The following IFRD1 variants were observed in gnomAD, a reference collection of about 807,000 sequenced individuals.
IFRD1 encodes the protein interferon related developmental regulator 1.
A neutral mutation model predicts 52.9 loss-of-function variants in IFRD1; 35 were observed. The ratio of observed to expected loss-of-function variants is 0.66; its 90% CI spans 0.51 to 0.88. The LOEUF (loss-of-function observed/expected upper bound fraction) is 0.88. Ranked by LOEUF, IFRD1 falls within the 40% of genes least tolerant of loss-of-function variation. The pLI is 0.00. For synonymous variants in IFRD1, 184 were observed against 188.4 expected, an observed-to-expected ratio of 0.98 and a Z score of 0.19; for missense variants, 517 against 550.8, an observed-to-expected ratio of 0.94 and a Z score of 0.61.
At chr7:112,469,251 AAT>A (rs1407809011) in intron 9 of IFRD1, among the ~76,000 whole-genome samples, 3 of 152,214 alleles carry the variant, frequency 2.0e-5, no homozygotes, top group African/African-American at 7.2e-5. Context: ...ATCCAGTTTT[AAT>A]ATGTTCCAGT....
upstream of IFRD1, among the ~76,000 whole-genome samples, chr7:112,449,526 T>C (rs1351633367): frequency 6.6e-6 from 1 of 152,154 alleles, no homozygotes; most frequent in Non-Finnish European, 1.5e-5. Context: ...TCAGGGACTT[T>C]GATCTGTCAT....
intron 9 of IFRD1, 71 bp downstream of exon 9, chr7:112,468,186 G>A: frequency 6.8e-7 from 1 of 1,472,458 alleles, no homozygotes; most frequent in Non-Finnish European, 9.5e-7. Context: ...CTTGACAATT[G>A]TACCATTTTG....
chr7:112,423,787 C>T (rs1160750506), intron 1 of IFRD1, among the ~76,000 whole-genome samples: 2 of 152,182 alleles, frequency 1.3e-5, no homozygotes, highest in East Asian at 3.9e-4. Flanking sequence ...GCTCATGTAA[C>T]ATCTTTTCAA....
At chr7:112,437,174 C>T (rs1188465668) in intron 1 of IFRD1, 1 of 154,660 alleles carries the variant, frequency 6.5e-6, no homozygotes, top group Non-Finnish European at 1.5e-5. Flanking sequence ...CAGGCTGAAA[C>T]AGTGTGAATC....
At chr7:112,461,524 A>T (rs534928748) in intron 5 of IFRD1, 1 of 169,032 alleles carries the variant, frequency 5.9e-6, no homozygotes, top group South Asian at 1.7e-4. Flanking sequence ...AAATGATTCA[A>T]TAATTTAAAT....
chr7:112,440,254 G>A (rs1794844202), intron 1 of IFRD1, among the ~76,000 whole-genome samples: 2 of 152,046 alleles, frequency 1.3e-5, no homozygotes, highest in Non-Finnish European at 2.9e-5. Context: ...CAAAATGCTG[G>A]GATTACAGGT....
At chr7:112,469,832 C>T (rs1795702120) in intron 9 of IFRD1, among the ~76,000 whole-genome samples, 1 of 152,206 alleles carries the variant, frequency 6.6e-6, no homozygotes, top group African/African-American at 2.4e-5. Flanking sequence ...CCATAGTGAT[C>T]TACCCGCCCA....
At position 112,472,293 on chromosome 7, in the gene IFRD1, C is replaced by T. The variant is rs1795770561; in HGVS notation, c.1116C>T (p.His372=). 1 of 1,613,948 alleles carries T rather than the reference C, an allele frequency of 6.2e-7. No individual in the cohort carries two copies. The highest frequency in any genetic ancestry group is 2.2e-5 in the East Asian group (1 of 44,870). Residue 372 remains histidine, a synonymous_variant, in exon 10 of 12, where the codon CAC becomes CAT. Coordinates refer to ENST00000403825, the MANE Select transcript of IFRD1 (RefSeq NM_001550.4). The part of the protein sequence containing the change: ...RMYIDCWVKK[H]TYDTFKEVLG... ...ATATTGATTGCTGGGTAAAAAAACACACCTATGACACCTTTAAGGAGGTTC... is the reference window on the plus strand; with the variant it reads ...ATATTGATTGCTGGGTAAAAAAACATACCTATGACACCTTTAAGGAGGTTC...
intron 8 of IFRD1, among the ~76,000 whole-genome samples, chr7:112,466,392 AT>A (rs1384512181): frequency 1.3e-5 from 2 of 152,152 alleles, no homozygotes; most frequent in East Asian, 3.8e-4. Context: ...CTAAGATTAT[AT>A]TACCGTGAAG....
At chr7:112,468,270 C>CTT (rs201842737) in intron 9 of IFRD1, among the ~76,000 whole-genome samples, 155 bp downstream of exon 9, 44,703 of 147,854 alleles carry the variant, frequency 0.3, 7,302 homozygotes, top group Non-Finnish European at 0.38. Context: ...TAAGTGAAGA[C>CTT]TTTTTTTTTT....
At position 112,462,255 on chromosome 7, in the gene IFRD1, C is replaced by G. The variant is rs371227587; in HGVS notation, c.798-15C>G. On this transcript the variant is annotated splice_polypyrimidine_tract_variant and intron_variant, in intron 7 of 11. Transcript: ENST00000403825. ...ATTGGTTGTATTCACATAGTAATGA[C>G]TAACTATTTTTTAGGCATTTCCATA... 5.5e-5 allele frequency: 88 copies of G among 1,607,700 alleles called. No individual in the cohort carries two copies. Among genetic ancestry groups the G allele is most frequent in the Middle Eastern group, 1.6e-4 (1 of 6,074 alleles).
rs547109732 is a variant in IFRD1 at position 112,476,101 on chromosome 7, C to G, written c.*582C>G. 9.2e-5 allele frequency: 14 copies of G among 152,764 alleles called. No individual in the cohort carries two copies. The highest frequency in any genetic ancestry group is 3.4e-4 in the African/African-American group (14 of 41,536). The allele number at this position is 152,764 out of a possible 1,614,324, so 9.5% of individuals were successfully genotyped here. Reference sequence around the variant, plus strand: ...AGCATATGCCAGAAAGGTTGCTAACCTTAACATCTGAGAGCAGTAACACTG... The same window carrying G: ...AGCATATGCCAGAAAGGTTGCTAACGTTAACATCTGAGAGCAGTAACACTG... On this transcript the variant is annotated 3_prime_UTR_variant, in exon 12 of 12. Coordinates refer to ENST00000403825, the MANE Select transcript of IFRD1 (RefSeq NM_001550.4).
At chr7:112,434,918 A>T (rs1199278819) in intron 1 of IFRD1, among the ~76,000 whole-genome samples, 1 of 152,232 alleles carries the variant, frequency 6.6e-6, no homozygotes, top group East Asian at 1.9e-4. Flanking sequence ...AGTTTGGCTC[A>T]TACATGATTC....
chr7:112,463,208 A>G (rs1483858464), intron 8 of IFRD1, among the ~76,000 whole-genome samples: 1 of 152,228 alleles, frequency 6.6e-6, no homozygotes, highest in Non-Finnish European at 1.5e-5. Context: ...TGAAGGATCC[A>G]ATAAGAAAAC....
At chr7:112,438,817 C>G (rs1002735935) in intron 1 of IFRD1, among the ~76,000 whole-genome samples, 2 of 152,160 alleles carry the variant, frequency 1.3e-5, no homozygotes, top group Non-Finnish European at 2.9e-5. Flanking sequence ...GGTACCATTA[C>G]TCACCCATCA....
At chr7:112,461,726 C>T in intron 5 of IFRD1, 140 bp from the exon 6 acceptor site, 1 of 482,582 alleles carries the variant, frequency 2.1e-6, no homozygotes, top group Non-Finnish European at 3.6e-6. Flanking sequence ...TCTCTCCTCA[C>T]CTCTTTTATG....
rs1795904115 is a variant in IFRD1, at chr7:112,476,393, G to T, written c.*874G>T. ...ATTTCTGCTTGGCAACATGCAGTGT[G>T]GCTCATGCCTATAATCAGCACTCTG... On this transcript the variant is annotated 3_prime_UTR_variant, in exon 12 of 12. Coordinates refer to ENST00000403825, the MANE Select transcript of IFRD1 (RefSeq NM_001550.4). 6.6e-6 allele frequency: 1 copy of T among 152,190 alleles called. No individual in the cohort carries two copies. Among genetic ancestry groups the T allele is most frequent in the South Asian group, 2.1e-4 (1 of 4,826 alleles). The allele number at this position is 152,190 out of a possible 1,614,324, so 9.4% of individuals were successfully genotyped here.
At chr7:112,454,761 T>C (rs1169166327) in intron 1 of IFRD1, among the ~76,000 whole-genome samples, 1 of 152,138 alleles carries the variant, frequency 6.6e-6, no homozygotes, top group Non-Finnish European at 1.5e-5. Context: ...CTTATTCTTA[T>C]GATTATCTAT....
intron 8 of IFRD1, among the ~76,000 whole-genome samples, chr7:112,463,525 G>T (rs1795519215): frequency 6.6e-6 from 1 of 152,108 alleles, no homozygotes; most frequent in Non-Finnish European, 1.5e-5. Flanking sequence ...GGTAGGAATG[G>T]AAAGTAAGTT....
Sources: gnomAD v4.1 joint callset for allele counts (sites outside exome capture counted in the v4.1 genomes callset) on GRCh38, gnomAD v4.1.1 for gene constraint, MANE v1.5 for transcripts, NCBI Gene and HGNC (gene_info 2026-07-23, HGNC 2026-07-21) for gene names.